ASAP1: variants seen among roughly 807,000 people sequenced by gnomAD.
ASAP1 encodes the protein ArfGAP with SH3 domain, ankyrin repeat and PH domain 1.
ASAP1 carries 43 observed loss-of-function variants against 145.2 expected under a neutral mutation model. The observed-to-expected ratio is 0.30, with a 90% CI of 0.23 to 0.38. The LOEUF (loss-of-function observed/expected upper bound fraction) is 0.38, where lower values mean the gene tolerates loss of function less well. ASAP1 is among the 10% of genes least tolerant of loss of function. The pLI is 1.00. For synonymous variants in ASAP1, 546 were observed against 515.5 expected (o/e 1.06, Z -0.80); for missense variants, 1,018 against 1,355.3 (o/e 0.75, Z 3.91).
chr8:130,219,591 G>C (rs751304904), intron 4 of ASAP1, among the ~76,000 whole-genome samples: 3 of 152,208 alleles, frequency 2.0e-5, no homozygotes, highest in Non-Finnish European at 4.4e-5. Context: ...TCTGTTTTAA[G>C]ATCTTTACTA....
intron 3 of ASAP1, among the ~76,000 whole-genome samples, chr8:130,267,462 G>A (rs1820331745): frequency 6.6e-6 from 1 of 152,178 alleles, no homozygotes; most frequent in Non-Finnish European, 1.5e-5. Flanking sequence ...AAAACCCAAT[G>A]AGATGGGAAT....
At chr8:130,117,187 C>G (rs1178477472) in intron 20 of ASAP1, among the ~76,000 whole-genome samples, 192 bp from the exon 21 acceptor site, 1 of 152,152 alleles carries the variant, frequency 6.6e-6, no homozygotes, top group African/African-American at 2.4e-5. Context: ...TTTAGAGTGC[C>G]AGGTCCTATG....
At chr8:130,260,154 G>A in intron 3 of ASAP1, among the ~76,000 whole-genome samples, 1 of 152,088 alleles carries the variant, frequency 6.6e-6, no homozygotes, top group Non-Finnish European at 1.5e-5. Flanking sequence ...TTATTTCTGT[G>A]ACAGTATAAG....
In ASAP1 at chr8:130,358,252, C is replaced by A. The variant is rs1215282480; in HGVS notation, c.60-109G>T. On this transcript the variant is annotated intron_variant, in intron 2 of 29. Coordinates refer to ENST00000518721, the MANE Select transcript of ASAP1 (RefSeq NM_018482.4). This position sits in a 1 kb window ranked among gnomAD's most constrained non-coding sequence, Gnocchi z 4.1. ...ATGAACCCCGGCGCGCAGCCCGCCA[C>A]CCGCCGCCCGGCCTGGCGCGCGGCT... The A allele has an allele frequency of 1.2e-6, 1 of 842,006 alleles. No homozygotes were observed. Among genetic ancestry groups the A allele is most frequent in the Non-Finnish European group, 1.5e-6 (1 of 669,742 alleles). 52.2% of individuals were successfully genotyped at this position (842,006 alleles called of 1,614,324 possible).
intron 3 of ASAP1, among the ~76,000 whole-genome samples, chr8:130,254,149 C>A (rs1029756907): frequency 1.3e-5 from 2 of 152,164 alleles, no homozygotes; most frequent in Non-Finnish European, 2.9e-5. Context: ...GACAAAAATG[C>A]AGCGCAGGAG....
intron 27 of ASAP1, among the ~76,000 whole-genome samples, chr8:130,063,480 T>G (rs1180973928): frequency 1.3e-5 from 2 of 152,150 alleles, no homozygotes; most frequent in Non-Finnish European, 2.9e-5. Context: ...CTGAGACCCT[T>G]GAGGGGAAGA....
At chr8:130,250,110 A>T (rs1819100917) in intron 3 of ASAP1, among the ~76,000 whole-genome samples, 1 of 152,170 alleles carries the variant, frequency 6.6e-6, no homozygotes. Context: ...TTAAAAAGAT[A>T]GGCCATAGTG....
At chr8:130,149,733 C>G (rs2097641681) in intron 13 of ASAP1, among the ~76,000 whole-genome samples, 1 of 152,148 alleles carries the variant, frequency 6.6e-6, no homozygotes, top group Non-Finnish European at 1.5e-5. Flanking sequence ...AACTGCTGGC[C>G]TTGATTTTCA....
At chr8:130,365,181 C>T (rs1826895295) in intron 2 of ASAP1, among the ~76,000 whole-genome samples, 1 of 152,140 alleles carries the variant, frequency 6.6e-6, no homozygotes, top group Admixed American at 6.5e-5. Context: ...TTCCTAGTAA[C>T]CTAGTGAGGT....
intron 3 of ASAP1, among the ~76,000 whole-genome samples, chr8:130,304,948 C>CATA (rs1334651095): frequency 1.3e-5 from 2 of 152,204 alleles, no homozygotes; most frequent in Non-Finnish European, 2.9e-5. Flanking sequence ...GCAGGCCATG[C>CATA]ATAATCTGGC....
chr8:130,268,567 T>C (rs1820406826), intron 3 of ASAP1, among the ~76,000 whole-genome samples: 1 of 151,366 alleles, frequency 6.6e-6, no homozygotes, highest in Non-Finnish European at 1.5e-5. Context: ...ATTTGTACTA[T>C]TTTAAAGAAA....
intron 1 of ASAP1, among the ~76,000 whole-genome samples, chr8:130,443,219 C>A (rs1219863365): frequency 6.6e-6 from 1 of 151,862 alleles, no homozygotes; most frequent in African/African-American, 2.4e-5. Flanking sequence ...GAGACCTCCC[C>A]CCCCCACCGG....
intron 24 of ASAP1, among the ~76,000 whole-genome samples, chr8:130,102,853 T>A (rs946894968): frequency 1.3e-5 from 2 of 152,130 alleles, no homozygotes; most frequent in Non-Finnish European, 2.9e-5. Context: ...GCCCAAGTAA[T>A]TTTTTATTTA....
intron 25 of ASAP1, among the ~76,000 whole-genome samples, chr8:130,081,833 A>T (rs1362095361): frequency 1.3e-5 from 2 of 152,246 alleles, no homozygotes; most frequent in Non-Finnish European, 2.9e-5. Flanking sequence ...TAGTAACATT[A>T]TTAACAGCAA....
intron 9 of ASAP1, among the ~76,000 whole-genome samples, chr8:130,178,263 G>A (rs1016869539): frequency 5.3e-5 from 8 of 152,116 alleles, no homozygotes; most frequent in East Asian, 3.9e-4. Context: ...CATTATTTTC[G>A]GTATAACTTC....
chr8:130,189,156 C>A (rs1266739998), intron 5 of ASAP1, among the ~76,000 whole-genome samples: 2 of 152,086 alleles, frequency 1.3e-5, no homozygotes, highest in African/African-American at 4.8e-5. Flanking sequence ...TTTATCATTT[C>A]TTTGTGCTAG....
chr8:130,111,099 G>A (rs919477582), intron 24 of ASAP1, among the ~76,000 whole-genome samples: 5 of 151,290 alleles, frequency 3.3e-5, no homozygotes, highest in African/African-American at 7.3e-5. Flanking sequence ...TCGTCTGGGC[G>A]CAGTGGCTCA....
chr8:130,359,193 T>C (rs942865116), intron 2 of ASAP1, among the ~76,000 whole-genome samples: 1 of 152,182 alleles, frequency 6.6e-6, no homozygotes, highest in Non-Finnish European at 1.5e-5. Context: ...AAAAATAATT[T>C]TCTAATCTTT....
chr8:130,274,357 G>A (rs1437785984), intron 3 of ASAP1, among the ~76,000 whole-genome samples: 1 of 152,160 alleles, frequency 6.6e-6, no homozygotes, highest in Non-Finnish European at 1.5e-5. Flanking sequence ...TACCATTACG[G>A]GGAAGTTTTG....
Sources: gnomAD v4.1 joint callset for allele counts (sites outside exome capture counted in the v4.1 genomes callset) on GRCh38, gnomAD v4.1.1 for gene constraint, Gnocchi (gnomAD v3.1) non-coding constraint, MANE v1.5 for transcripts, NCBI Gene and HGNC (gene_info 2026-07-23, HGNC 2026-07-21) for gene names.